Variants in LCORL observed in about 807,000 individuals in gnomAD.
LCORL encodes the protein ligand-dependent nuclear receptor corepressor-like protein.
Under a neutral mutation model 141.8 loss-of-function variants are expected in LCORL, and 41 were observed. The ratio of observed to expected loss-of-function variants is 0.29; its 90% CI spans 0.23 to 0.38. LCORL has a LOEUF of 0.38. Ranked by LOEUF, LCORL falls within the 10% of genes least tolerant of loss-of-function variation. The pLI is 1.00. For missense variants in LCORL, 1,759 were observed against 2,035.0 expected, an observed-to-expected ratio of 0.86 and a Z score of 2.61; for synonymous variants, 618 against 694.1, an observed-to-expected ratio of 0.89 and a Z score of 1.72.
intron 4 of LCORL, among the ~76,000 whole-genome samples, chr4:17,921,328 C>T (rs1734275529): frequency 6.6e-6 from 1 of 152,104 alleles, no homozygotes; most frequent in Admixed American, 6.5e-5. Context: ...CGCACCCAAC[C>T]GAATCAGTAA....
At chr4:17,872,957 T>G (rs1419249098) in intron 7 of LCORL, among the ~76,000 whole-genome samples, 1 of 152,086 alleles carries the variant, frequency 6.6e-6, no homozygotes, top group Non-Finnish European at 1.5e-5. Context: ...TTTAAAAACA[T>G]GGTCTCATAG....
At chr4:18,009,499 G>C (rs1723339724) in intron 1 of LCORL, among the ~76,000 whole-genome samples, 1 of 151,980 alleles carries the variant, frequency 6.6e-6, no homozygotes, top group South Asian at 2.1e-4. Context: ...GAGCTCCACT[G>C]AGAGGCCTTC....
chr4:17,884,976 T>C lies in LCORL; in HGVS notation c.776+1092A>G, dbSNP rs1728081567. Among the ~76,000 whole-genome samples the C allele has an allele frequency of 6.6e-6, 1 of 151,944 alleles. No homozygotes were observed. The highest frequency in any genetic ancestry group is 2.4e-5 in the African/African-American group (1 of 41,398). On this transcript the variant is annotated intron_variant, in intron 6 of 7. Coordinates refer to ENST00000635767, the Ensembl canonical transcript of LCORL. The surrounding 1 kb of genome is among the most constrained non-coding windows in gnomAD (Gnocchi z 4.4). Reference sequence around the variant, plus strand: ...ATACGGTGGCCTCAACGGGCAGACCTTCCAAGAACATAAAATCCTAACTCA... The same window carrying C: ...ATACGGTGGCCTCAACGGGCAGACCCTCCAAGAACATAAAATCCTAACTCA...
intron 4 of LCORL, among the ~76,000 whole-genome samples, chr4:17,931,190 T>G (rs1016384150): frequency 2.0e-5 from 3 of 152,044 alleles, no homozygotes; most frequent in Admixed American, 6.6e-5. Context: ...TTTCTCTCTA[T>G]TACCCCCTCT....
chr4:17,876,073 C>A, exon 7 of LCORL: 1 of 1,231,000 alleles, frequency 8.1e-7, no homozygotes, highest in Non-Finnish European at 1.0e-6. Context: ...TATTTGACCC[C>A]TTCACTACTT....
At chr4:17,987,377 G>A (rs980967463) in intron 1 of LCORL, among the ~76,000 whole-genome samples, 1 of 152,114 alleles carries the variant, frequency 6.6e-6, no homozygotes, top group Non-Finnish European at 1.5e-5. Context: ...TCATGTTGTA[G>A]CATACATCAG....
rs899227620 is a variant in LCORL, at chr4:17,848,747, G to A, written c.5603-2846C>T. Among the ~76,000 whole-genome samples the A allele has an allele frequency of 7.9e-5, 12 of 152,350 alleles. No homozygotes were observed. In the South Asian group the frequency reaches 1.2e-3, roughly 16 times the overall value. On this transcript the variant is annotated intron_variant, in intron 7 of 7. Transcript: ENST00000635767. ...CGAGGCATTGCCTCACTCGGGAAGC[G>A]CAAGGGGTCAGGGAGTTCCCTTTCC... is the stretch of plus-strand genomic sequence containing the variant.
rs562312212 is a variant in LCORL at position 17,905,265 on chromosome 4, G to A, written c.682+3829C>T. Reference sequence around the variant, plus strand: ...TGGAAGTGCCCATCTATTATTCTTTGTTTGATATTTTTATCATAAATATAT... The same window carrying A: ...TGGAAGTGCCCATCTATTATTCTTTATTTGATATTTTTATCATAAATATAT... On this transcript the variant is annotated intron_variant, in intron 5 of 7. Coordinates refer to ENST00000635767, the Ensembl canonical transcript of LCORL. Among the ~76,000 whole-genome samples, 31 of 151,906 alleles carry A rather than the reference G, an allele frequency of 2.0e-4. No individual in the cohort carries two copies. The East Asian group carries it at 5.6e-3, about 27-fold the overall frequency.
At chr4:17,846,437 A>C (rs1397171591) in intron 7 of LCORL, among the ~76,000 whole-genome samples, 6 of 152,154 alleles carry the variant, frequency 3.9e-5, no homozygotes, top group Non-Finnish European at 8.8e-5. Context: ...CCTGCCTGGA[A>C]CTGGAATACA....
At chr4:17,902,017 ATAAG>A (rs1002457704) in intron 5 of LCORL, among the ~76,000 whole-genome samples, 1 of 152,082 alleles carries the variant, frequency 6.6e-6, no homozygotes, top group African/African-American at 2.4e-5. Flanking sequence ...TGGAAAAAAA[ATAAG>A]TAATATGTAC....
chr4:18,021,564 C>A lies in LCORL; in HGVS notation c.154+34G>T. 3 of 1,500,380 alleles carry A rather than the reference C, an allele frequency of 2.0e-6. No individual in the cohort carries two copies. The highest frequency in any genetic ancestry group is 2.7e-6 in the Non-Finnish European group (3 of 1,124,446). The allele number at this position is 1,500,380 out of a possible 1,614,324, so 92.9% of individuals were successfully genotyped here. On this transcript the variant is annotated intron_variant, in intron 1 of 7. Transcript: ENST00000635767. The surrounding 1 kb of genome is among the most constrained non-coding windows in gnomAD (Gnocchi z 5.5). ...TCGGGCTGCGACAGCGGTCGCCGCG[C>A]GGAGCCCGGGGCCCCGGCCCGCGTC...
intron 3 of LCORL, 93 bp downstream of exon 3, chr4:17,962,877 A>T (rs1714119676): frequency 3.6e-6 from 2 of 553,894 alleles, no homozygotes; most frequent in African/African-American, 2.0e-5. Context: ...TTCCACTGTG[A>T]GTCACAAATT....
chr4:17,903,996 T>C (rs1220526750), intron 5 of LCORL, among the ~76,000 whole-genome samples: 1 of 151,808 alleles, frequency 6.6e-6, no homozygotes, highest in African/African-American at 2.4e-5. Context: ...AAGGGAAGTC[T>C]TGGAGACATA....
At chr4:17,862,806 A>C (rs1725160026) in intron 7 of LCORL, among the ~76,000 whole-genome samples, 1 of 152,170 alleles carries the variant, frequency 6.6e-6, no homozygotes, top group Non-Finnish European at 1.5e-5. Flanking sequence ...TTCTAGACAC[A>C]GGCCCTGGCA....
At chr4:17,961,037 G>GT (rs1713679274) in intron 4 of LCORL, among the ~76,000 whole-genome samples, 1 of 152,080 alleles carries the variant, frequency 6.6e-6, no homozygotes. Flanking sequence ...AAACATGAAA[G>GT]TTATCAATTT....
chr4:17,929,771 T>G (rs967084030), intron 4 of LCORL, among the ~76,000 whole-genome samples: 1 of 152,126 alleles, frequency 6.6e-6, no homozygotes, highest in African/African-American at 2.4e-5. Context: ...CTGAACTTCA[T>G]GAAAATTAAA....
At chr4:17,974,913 T>C (rs565231471) in intron 1 of LCORL, among the ~76,000 whole-genome samples, 84 of 152,264 alleles carry the variant, frequency 5.5e-4, no homozygotes, top group African/African-American at 2.0e-3. Flanking sequence ...GAAGAATCTG[T>C]AGTTGTGTCC....
At chr4:17,844,175 T>G (rs1404371238) in exon 8 of LCORL, 1 of 152,160 alleles carries the variant, frequency 6.6e-6, no homozygotes, top group Non-Finnish European at 1.5e-5. Context: ...GAATATAATG[T>G]GACAGGAACT....
intron 1 of LCORL, among the ~76,000 whole-genome samples, chr4:17,974,609 T>C (rs1283873476): frequency 1.3e-5 from 2 of 152,132 alleles, no homozygotes; most frequent in Non-Finnish European, 2.9e-5. Context: ...TCTCCTGTAA[T>C]GGTTTTATTT....
Sources: allele counts gnomAD v4.1 joint callset (sites outside exome capture counted in the v4.1 genomes callset), GRCh38; gene constraint gnomAD v4.1.1; non-coding constraint Gnocchi (gnomAD v3.1); transcripts MANE v1.5; gene names NCBI Gene and HGNC (gene_info 2026-07-23, HGNC 2026-07-21).